Variants in BBX observed in about 807,000 individuals in gnomAD.
BBX encodes the protein HMG box transcription factor BBX.
A neutral mutation model predicts 100.2 loss-of-function variants in BBX; 30 were observed. The observed-to-expected ratio is 0.30, with a 90% confidence interval of 0.22 to 0.41. BBX has a LOEUF of 0.41. Ranked by LOEUF, BBX falls within the 10% of genes least tolerant of loss-of-function variation. BBX has a pLI of 1.00. For synonymous variants in BBX, 376 were observed against 388.1 expected (o/e 0.97, Z 0.37); for missense variants, 1,023 against 1,129.8 (o/e 0.91, Z 1.35).
Position 107,523,038 on chromosome 3 carries a change from C to T in BBX, c.-225C>T, listed in dbSNP as rs1559769536. The T allele has an allele frequency of 6.5e-6, 1 of 154,102 alleles. No individual in the cohort carries two copies. The highest frequency in any genetic ancestry group is 2.4e-5 in the African/African-American group (1 of 41,484). The allele number at this position is 154,102 out of a possible 1,614,324, so 9.5% of individuals were successfully genotyped here. On this transcript the variant is annotated 5_prime_UTR_variant, in exon 1 of 18. Transcript: ENST00000325805. ...CTCCGCGAGCTTCTCTCCACTTTCC[C>T]ATAGAGAAACCCTGACTGGCCGCTG...
intron 7 of BBX, among the ~76,000 whole-genome samples, chr3:107,735,142 T>C (rs1241656330): frequency 6.6e-6 from 1 of 152,122 alleles, no homozygotes. Flanking sequence ...TCTCTAAATA[T>C]AGGTAGTTTG....
intron 3 of BBX, chr3:107,659,812 G>T: frequency 8.6e-7 from 1 of 1,159,894 alleles, no homozygotes; most frequent in Non-Finnish European, 1.1e-6. Flanking sequence ...GGTTTAGTGA[G>T]ACTAGAAATG....
chr3:107,589,619 TCTTGA>T (rs1346769448), intron 2 of BBX, among the ~76,000 whole-genome samples: 1 of 152,086 alleles, frequency 6.6e-6, no homozygotes, highest in Non-Finnish European at 1.5e-5. Context: ...AAAGCCCAAG[TCTTGA>T]CTTGGTTTTT....
intron 7 of BBX, among the ~76,000 whole-genome samples, chr3:107,743,422 G>C (rs2064282278): frequency 6.6e-6 from 1 of 152,162 alleles, no homozygotes. Context: ...ATATCAAATA[G>C]TGACAATAAG....
At chr3:107,753,352 T>C (rs1317129837) in intron 9 of BBX, among the ~76,000 whole-genome samples, 1 of 152,192 alleles carries the variant, frequency 6.6e-6, no homozygotes, top group Non-Finnish European at 1.5e-5. Context: ...AATGTTACTG[T>C]TAGGAGATCC....
chr3:107,611,284 C>T (rs890529980), intron 2 of BBX, among the ~76,000 whole-genome samples: 4 of 151,976 alleles, frequency 2.6e-5, no homozygotes, highest in Admixed American at 6.6e-5. Flanking sequence ...ACCACAATTA[C>T]GGTATTATAA....
At chr3:107,719,086 A>G (rs1044511395) in intron 5 of BBX, among the ~76,000 whole-genome samples, 5 of 152,078 alleles carry the variant, frequency 3.3e-5, no homozygotes, top group East Asian at 1.9e-4. Context: ...CAAATACTTA[A>G]TAAGTGCCTT....
At chr3:107,534,375 C>T (rs2048353220) in intron 2 of BBX, among the ~76,000 whole-genome samples, 1 of 152,174 alleles carries the variant, frequency 6.6e-6, no homozygotes, top group Non-Finnish European at 1.5e-5. Flanking sequence ...GAAAATAATT[C>T]TTTACATCCA....
chr3:107,558,821 T>C (rs2050270809), intron 2 of BBX, among the ~76,000 whole-genome samples: 1 of 152,152 alleles, frequency 6.6e-6, no homozygotes, highest in South Asian at 2.1e-4. Context: ...AGCTATACCA[T>C]GTGCAGTAGT....
chr3:107,687,835 A>T (rs192863559), intron 3 of BBX, among the ~76,000 whole-genome samples: 59 of 152,282 alleles, frequency 3.9e-4, no homozygotes, highest in Non-Finnish European at 7.2e-4. Flanking sequence ...TGGGAGGATC[A>T]CCTGAGGTCA....
chr3:107,801,707 G>A (rs868175540), intron 17 of BBX, among the ~76,000 whole-genome samples: 10 of 152,092 alleles, frequency 6.6e-5, no homozygotes, highest in Admixed American at 2.0e-4. Flanking sequence ...ATTTCACAGA[G>A]ATGTTATGTG....
At chr3:107,743,273 C>A (rs1002475362) in intron 7 of BBX, among the ~76,000 whole-genome samples, 1 of 151,896 alleles carries the variant, frequency 6.6e-6, no homozygotes, top group East Asian at 1.9e-4. Flanking sequence ...TTTTAAAATA[C>A]CTCTAAATTA....
At chr3:107,770,023 T>A (rs961328701) in intron 10 of BBX, among the ~76,000 whole-genome samples, 16 of 152,122 alleles carry the variant, frequency 1.1e-4, no homozygotes, top group Non-Finnish European at 1.6e-4. Flanking sequence ...TGTGAAAAAA[T>A]TTTTAAGAGC....
chr3:107,696,568 C>T (rs1292753754), intron 3 of BBX, among the ~76,000 whole-genome samples: 1 of 151,906 alleles, frequency 6.6e-6, no homozygotes, highest in Non-Finnish European at 1.5e-5. Context: ...AAGAGATCCG[C>T]TGTTAGTCTG....
chr3:107,709,003 G>A (rs2061556336), intron 3 of BBX, among the ~76,000 whole-genome samples: 1 of 152,086 alleles, frequency 6.6e-6, no homozygotes, highest in African/African-American at 2.4e-5. Flanking sequence ...AGCAGTTGGA[G>A]GGAGGTTATT....
In BBX at chr3:107,805,425, G is replaced by T; in HGVS notation, c.2794G>T (p.Ala932Ser). ...HDGQPKEMPQ[A>S]PVLISCADQ Reference sequence around the variant, plus strand: ...TGGACAGCCAAAAGAAATGCCGCAGGCTCCTGTACTTATTTCCTGCGCTGA... The same window carrying T: ...TGGACAGCCAAAAGAAATGCCGCAGTCTCCTGTACTTATTTCCTGCGCTGA... The change falls in exon 18 of 18, where the codon GCT becomes TCT. Residue 932 changes from alanine (A) to serine (S), a missense_variant. Coordinates refer to ENST00000325805, the MANE Select transcript of BBX (RefSeq NM_001142568.3). The T allele has an allele frequency of 1.2e-6, 2 of 1,614,124 alleles. No individual in the cohort carries two copies. The highest frequency in any genetic ancestry group is 8.5e-7 in the Non-Finnish European group (1 of 1,179,980).
intron 2 of BBX, among the ~76,000 whole-genome samples, chr3:107,579,580 T>G (rs1576373684): frequency 6.6e-6 from 1 of 152,148 alleles, no homozygotes; most frequent in Non-Finnish European, 1.5e-5. Flanking sequence ...GCCTGGCGGG[T>G]CTTTTCACAC....
intron 2 of BBX, among the ~76,000 whole-genome samples, chr3:107,591,389 G>A (rs1576421493): frequency 6.6e-6 from 1 of 152,162 alleles, no homozygotes; most frequent in African/African-American, 2.4e-5. Context: ...AGGAGTGTAA[G>A]TCCATTAAAA....
At chr3:107,671,759 T>C (rs992471561) in intron 3 of BBX, among the ~76,000 whole-genome samples, 1 of 152,108 alleles carries the variant, frequency 6.6e-6, no homozygotes, top group Non-Finnish European at 1.5e-5. Context: ...ACCATTGCTG[T>C]AAATATGTAG....
Sources: allele counts gnomAD v4.1 joint callset (sites outside exome capture counted in the v4.1 genomes callset), GRCh38; gene constraint gnomAD v4.1.1; transcripts MANE v1.5; gene names NCBI Gene and HGNC (gene_info 2026-07-23, HGNC 2026-07-21).